Variants in NELL1 observed in about 807,000 individuals in gnomAD.
NELL1 encodes protein kinase C-binding protein NELL1.
Under a neutral mutation model 107.4 loss-of-function variants are expected in NELL1, and 76 were observed. The ratio of observed to expected loss-of-function variants is 0.71; its 90% CI spans 0.59 to 0.86. The LOEUF (loss-of-function observed/expected upper bound fraction) is 0.86, where lower values mean the gene tolerates loss of function less well. Among genes scored for constraint, NELL1 ranks in the 40% least tolerant of loss-of-function variants. NELL1 has a pLI of 0.00. For synonymous variants in NELL1, 353 were observed against 341.2 expected (o/e 1.03, Z -0.38); for missense variants, 1,024 against 1,005.5 (o/e 1.02, Z -0.25).
At chr11:21,075,501 T>G (rs1311109490) in intron 12 of NELL1, among the ~76,000 whole-genome samples, 15 of 152,200 alleles carry the variant, frequency 9.9e-5, no homozygotes, top group Admixed American at 9.8e-4. Flanking sequence ...GGTCTCACTC[T>G]GTCACCCAGG....
chr11:20,801,956 G>T (rs1021420869), intron 3 of NELL1, among the ~76,000 whole-genome samples: 2 of 152,094 alleles, frequency 1.3e-5, no homozygotes, highest in East Asian at 3.8e-4. Flanking sequence ...CTGTTTTTAT[G>T]CCAGTGCCAT....
At chr11:20,964,660 C>T (rs1227492701) in intron 12 of NELL1, among the ~76,000 whole-genome samples, 1 of 152,164 alleles carries the variant, frequency 6.6e-6, no homozygotes, top group Non-Finnish European at 1.5e-5. Flanking sequence ...CTTCCACTAC[C>T]CACACTGTTC....
intron 12 of NELL1, among the ~76,000 whole-genome samples, chr11:21,101,956 G>A (rs914041732): frequency 1.3e-5 from 2 of 152,116 alleles, no homozygotes; most frequent in African/African-American, 2.4e-5. Context: ...GAGTTTGAGC[G>A]ATTAATCTGC....
chr11:20,788,112 G>A (rs1857004972), intron 3 of NELL1, among the ~76,000 whole-genome samples: 1 of 152,108 alleles, frequency 6.6e-6, no homozygotes, highest in African/African-American at 2.4e-5. Flanking sequence ...TTTATCAGTT[G>A]GTGGACATTT....
chr11:20,962,796 T>G lies in NELL1; in HGVS notation c.1300+2236T>G, dbSNP rs572165776. Among the ~76,000 whole-genome samples, 38 of 152,308 alleles carry G rather than the reference T, an allele frequency of 2.5e-4. 1 individual carries two copies. The highest frequency in any genetic ancestry group is 2.9e-4 in the Non-Finnish European group (20 of 68,024). The stretch of plus-strand genomic sequence containing the variant: ...GTATGCATTGTGGTGCTATTGCGGT[T>G]GGGTAATGGCAATGTGACTGGGCTT... On this transcript the variant is annotated intron_variant, in intron 12 of 19. Transcript: ENST00000357134.
chr11:21,528,152 T>TA (rs1219018788), intron 15 of NELL1, among the ~76,000 whole-genome samples: 1 of 152,198 alleles, frequency 6.6e-6, no homozygotes, highest in East Asian at 1.9e-4. Flanking sequence ...GATTATAAGT[T>TA]ACAGAACGAT....
chr11:20,684,538 C>T (rs569841910), intron 2 of NELL1, among the ~76,000 whole-genome samples: 178 of 152,098 alleles, frequency 1.2e-3, no homozygotes, highest in African/African-American at 3.8e-3. Context: ...TGTTGTTAAT[C>T]GAAAATTCTA....
intron 14 of NELL1, among the ~76,000 whole-genome samples, chr11:21,266,461 G>T (rs915239797): frequency 6.6e-6 from 1 of 151,998 alleles, no homozygotes; most frequent in African/African-American, 2.4e-5. Flanking sequence ...AGTAATCTAC[G>T]TGGGCCCATG....
intron 15 of NELL1, among the ~76,000 whole-genome samples, chr11:21,372,877 T>C (rs1435400125): frequency 6.6e-6 from 1 of 152,042 alleles, no homozygotes; most frequent in Non-Finnish European, 1.5e-5. Flanking sequence ...GATTTGTCCT[T>C]TGTCCTTTTC....
chr11:21,497,185 A>G (rs12797928), intron 15 of NELL1, among the ~76,000 whole-genome samples: 2 of 150,302 alleles, frequency 1.3e-5, no homozygotes, highest in African/African-American at 4.9e-5. Flanking sequence ...GAGGGATAGC[A>G]TTAGGAGATA....
chr11:20,755,223 A>G (rs1020007415), intron 2 of NELL1, among the ~76,000 whole-genome samples: 15 of 152,144 alleles, frequency 9.9e-5, no homozygotes, highest in African/African-American at 3.6e-4. Flanking sequence ...AACCCAGCTC[A>G]TTTTGACTGA....
At chr11:20,872,276 G>T (rs1849216789) in intron 4 of NELL1, among the ~76,000 whole-genome samples, 1 of 150,878 alleles carries the variant, frequency 6.6e-6, no homozygotes, top group Non-Finnish European at 1.5e-5. Context: ...CTGGGCTCAG[G>T]TGATTCTCCC....
At chr11:21,376,074 TG>T (rs1374746525) in intron 15 of NELL1, among the ~76,000 whole-genome samples, 2 of 152,108 alleles carry the variant, frequency 1.3e-5, no homozygotes, top group African/African-American at 4.8e-5. Flanking sequence ...TGTCAATTTT[TG>T]TTTTTGTTGC....
At chr11:20,837,728 C>T (rs1441848370) in intron 3 of NELL1, among the ~76,000 whole-genome samples, 1 of 151,930 alleles carries the variant, frequency 6.6e-6, no homozygotes, top group Non-Finnish European at 1.5e-5. Context: ...ACAGCTAAAG[C>T]TGGAACAATT....
At chr11:21,134,950 T>C (rs866488336) in intron 13 of NELL1, among the ~76,000 whole-genome samples, 20 of 152,300 alleles carry the variant, frequency 1.3e-4, no homozygotes, top group Middle Eastern at 6.8e-3. Context: ...TAACATAGGG[T>C]GGTTTTAAGT....
intron 4 of NELL1, among the ~76,000 whole-genome samples, chr11:20,881,002 C>G (rs1849397493): frequency 6.6e-6 from 1 of 152,140 alleles, no homozygotes; most frequent in Non-Finnish European, 1.5e-5. Context: ...CATAGCCACA[C>G]TCAACTTCAA....
intron 2 of NELL1, among the ~76,000 whole-genome samples, chr11:20,691,570 G>A (rs1015790721): frequency 5.3e-5 from 8 of 151,910 alleles, no homozygotes; most frequent in Non-Finnish European, 8.8e-5. Flanking sequence ...GGTTCTGTTT[G>A]TATGCTGGAT....
At chr11:20,797,565 C>CAAAAAA (rs35016707) in intron 3 of NELL1, among the ~76,000 whole-genome samples, 24 of 69,244 alleles carry the variant, frequency 3.5e-4, no homozygotes, top group African/African-American at 8.1e-4. Context: ...GACTCCATCT[C>CAAAAAA]AAAAAAAAAA....
chr11:21,379,048 C>T (rs914764110), intron 15 of NELL1, among the ~76,000 whole-genome samples: 5 of 151,966 alleles, frequency 3.3e-5, no homozygotes, highest in African/African-American at 1.2e-4. Context: ...TATTACAAAG[C>T]CACTCAATTA....
Sources: gnomAD v4.1 joint callset for allele counts (sites outside exome capture counted in the v4.1 genomes callset) on GRCh38, gnomAD v4.1.1 for gene constraint, MANE v1.5 for transcripts, NCBI Gene and HGNC (gene_info 2026-07-23, HGNC 2026-07-21) for gene names.